UTP11: variants seen among roughly 807,000 people sequenced by gnomAD.
The protein encoded by UTP11 is probable U3 small nucleolar RNA-associated protein 11.
In UTP11, 29 loss-of-function variants were observed where a neutral mutation model predicts 39.0. The observed-to-expected ratio is 0.74, with a 90% CI of 0.55 to 1.01. UTP11 has a LOEUF of 1.01. UTP11 is among the 50% of genes least tolerant of loss of function. The pLI is 0.00. For missense variants in UTP11, 281 were observed against 306.0 expected (o/e 0.92, Z 0.61); for synonymous variants, 111 against 105.0 (o/e 1.06, Z -0.35).
In UTP11 at chr1:38,017,595, T is replaced by G. The variant is rs1646713032; in HGVS notation, c.126-73T>G. ...TTAGATGCTTGTAAAGTTTGCTTAT[T>G]GTGGGTTTTTGGTTTTTTAAAATTA... On this transcript the variant is annotated intron_variant, in intron 2 of 7. Coordinates refer to ENST00000373014, the MANE Select transcript of UTP11 (RefSeq NM_016037.4). 6 of 1,206,978 alleles carry G rather than the reference T, an allele frequency of 5.0e-6. No homozygotes were observed. The South Asian group carries it at 9.8e-5, about 20-fold the overall frequency. 74.8% of individuals were successfully genotyped at this position (1,206,978 alleles called of 1,614,324 possible). A position where few individuals can be genotyped will look rare whatever the true frequency, so the allele number is the denominator to read the frequency against.
intron 2 of UTP11, 167 bp downstream of exon 2, chr1:38,016,587 C>T: frequency 1.5e-6 from 1 of 669,208 alleles, no homozygotes; most frequent in Non-Finnish European, 2.6e-6. Flanking sequence ...CTAAATTTCT[C>T]TCTTTGTTTA....
Position 38,018,562 on chromosome 1 carries a change from GGTT to G in UTP11, c.329_331del (p.Val110del). The stretch of plus-strand genomic sequence containing the variant: ...ACGTCAAATATATAGAAATGAAGAG[GGTT>G]GCAGAAGCTAAGGTAATTCACTCTT... On this transcript the variant is annotated inframe_deletion, in exon 4 of 8. Transcript: ENST00000373014. 1 of 1,601,006 alleles carries G rather than the reference GGTT, an allele frequency of 6.2e-7. No individual in the cohort carries two copies. Among genetic ancestry groups the G allele is most frequent in the Non-Finnish European group, 8.5e-7 (1 of 1,169,888 alleles).
chr1:38,020,545 A>T (rs1344257804), intron 6 of UTP11, among the ~76,000 whole-genome samples: 3 of 152,172 alleles, frequency 2.0e-5, no homozygotes, highest in African/African-American at 7.2e-5. Context: ...TGACTGATTC[A>T]TTAAAAAAAA....
At chr1:38,016,188 C>T (rs947756665) in intron 1 of UTP11, among the ~76,000 whole-genome samples, 171 bp from the exon 2 acceptor site, 10 of 152,260 alleles carry the variant, frequency 6.6e-5, no homozygotes, top group African/African-American at 2.4e-4. Flanking sequence ...CCCTCTCATC[C>T]TTGGGCAGAG....
intron 2 of UTP11, chr1:38,017,254 T>G (rs550449195): frequency 6.5e-6 from 1 of 153,902 alleles, no homozygotes; most frequent in African/African-American, 2.4e-5. Context: ...GCTGTCTGGC[T>G]CCAGAGTCCA....
chr1:38,022,603 A>C (rs947800903), intron 6 of UTP11, 96 bp from the exon 7 acceptor site: 1 of 778,070 alleles, frequency 1.3e-6, no homozygotes, highest in Admixed American at 2.3e-5. Context: ...GGAGTTGATG[A>C]AACTATGCAG....
At position 38,018,970 on chromosome 1, in the gene UTP11, G is replaced by A; in HGVS notation, c.343-89G>A. 3.6e-6 allele frequency: 4 copies of A among 1,108,618 alleles called. No individual in the cohort carries two copies. In the South Asian group the frequency reaches 6.2e-5, roughly 17 times the overall value. 68.7% of individuals were successfully genotyped at this position (1,108,618 alleles called of 1,614,324 possible). A position where few individuals can be genotyped will look rare whatever the true frequency, so the allele number is the denominator to read the frequency against. On this transcript the variant is annotated intron_variant, in intron 4 of 7. Coordinates refer to ENST00000373014, the MANE Select transcript of UTP11 (RefSeq NM_016037.4). ...TTCTTTGCTGGCTGGCAATAATGAT[G>A]TGAAATGGTTTAAACTTTTGCAGTT...
intron 1 of UTP11, among the ~76,000 whole-genome samples, chr1:38,014,014 C>T (rs1055900922): frequency 2.6e-5 from 4 of 152,236 alleles, no homozygotes; most frequent in African/African-American, 9.6e-5. Flanking sequence ...TGCACCCGGC[C>T]AAAACTATCA....
At chr1:38,015,361 C>T (rs191163848) in intron 1 of UTP11, among the ~76,000 whole-genome samples, 2 of 152,258 alleles carry the variant, frequency 1.3e-5, no homozygotes, top group East Asian at 1.9e-4. Context: ...TATGCATTTC[C>T]CAAAATGTTA....
chr1:38,020,516 T>C (rs1223641167), intron 6 of UTP11, among the ~76,000 whole-genome samples: 1 of 152,200 alleles, frequency 6.6e-6, no homozygotes, highest in East Asian at 1.9e-4. Context: ...CCTGAAAGCC[T>C]TCTGGAGTTG....
intron 6 of UTP11, among the ~76,000 whole-genome samples, chr1:38,020,358 C>G (rs1259278786): frequency 6.6e-6 from 1 of 152,150 alleles, no homozygotes; most frequent in Non-Finnish European, 1.5e-5. Flanking sequence ...CCCGCCTTGG[C>G]CTCCTGAAGT....
At position 38,019,053 on chromosome 1, in the gene UTP11, T is replaced by C. The variant is rs1646722244; in HGVS notation, c.343-6T>C. On this transcript the variant is annotated splice_region_variant and splice_polypyrimidine_tract_variant and intron_variant, in intron 4 of 7. Coordinates refer to ENST00000373014, the MANE Select transcript of UTP11 (RefSeq NM_016037.4). ...ATATAAAGTGAGACCATATTCTGTG[T>C]TCTAGAAAATCGAAAGACTAAAATC... is the stretch of plus-strand genomic sequence containing the variant. The C allele has an allele frequency of 1.2e-6, 2 of 1,611,798 alleles. No homozygotes were observed. The highest frequency in any genetic ancestry group is 2.7e-5 in the African/African-American group (2 of 74,740).
chr1:38,016,467 C>T (rs752320063), intron 2 of UTP11, 47 bp downstream of exon 2: 1 of 1,593,038 alleles, frequency 6.3e-7, no homozygotes, highest in Non-Finnish European at 8.6e-7. Context: ...AAGCTTACAA[C>T]CTCCTTGCAC....
chr1:38,023,555 A>C lies in UTP11; in HGVS notation c.689A>C (p.Gln230Pro). The stretch of plus-strand genomic sequence containing the variant: ...TTTACTCTTTTGTAGGATAAAACTC[A>C]GAAAGTGAAGGTGAAGAAAGAAACG... ...QTRKDLMDKT[Q>P]KVKVKKETVN... Residue 230 changes from glutamine to proline, a missense_variant, in exon 8 of 8, where the codon CAG (glutamine) becomes CCG (proline). Physicochemically the swap from Gln to Pro is moderately conservative, Grantham distance 76. Transcript: ENST00000373014. The C allele has an allele frequency of 6.2e-7, 1 of 1,610,464 alleles. No individual in the cohort carries two copies. The highest frequency in any genetic ancestry group is 8.5e-7 in the Non-Finnish European group (1 of 1,178,734).
chr1:38,016,291 G>T lies in UTP11; in HGVS notation c.64-68G>T, dbSNP rs1570499042. ...CCAGAGACTCCTGTGCCTGTTAGAT[G>T]TCGTGTTGATTTGGATATGTGTTTG... On this transcript the variant is annotated intron_variant, in intron 1 of 7. Coordinates refer to ENST00000373014, the MANE Select transcript of UTP11 (RefSeq NM_016037.4). 16 of 1,501,006 alleles carry T rather than the reference G, an allele frequency of 1.1e-5. No homozygotes were observed. The Admixed American group carries it at 2.7e-4, about 25-fold the overall frequency. 93.0% of individuals were successfully genotyped at this position (1,501,006 alleles called of 1,614,324 possible).
rs965863688 is a variant in UTP11, at chr1:38,012,756, G to T, written c.-47G>T. On this transcript the variant is annotated 5_prime_UTR_variant, in exon 1 of 8. Transcript: ENST00000373014. ...ATCAGTGGACTTGGCGGCAGAGGCA[G>T]TGCGGATCCGGCGTTCTCCACTGAT... 1.2e-6 allele frequency: 2 copies of T among 1,612,980 alleles called. No individual in the cohort carries two copies. The highest frequency in any genetic ancestry group is 1.3e-5 in the African/African-American group (1 of 74,932).
At chr1:38,017,472 G>A in intron 2 of UTP11, 196 bp from the exon 3 acceptor site, 4 of 441,884 alleles carry the variant, frequency 9.1e-6, no homozygotes, top group South Asian at 4.5e-5. Context: ...TGATTAGACT[G>A]TGGACCCTGC....
rs1646745089 is a variant in UTP11 at position 38,022,715 on chromosome 1, G to C, written c.584G>C (p.Arg195Thr). Residue 195 changes from arginine (R) to threonine (T), a missense_variant, in exon 7 of 8, where the codon AGG (arginine) becomes ACG (threonine). Coordinates refer to ENST00000373014, the MANE Select transcript of UTP11 (RefSeq NM_016037.4). ...CTTCTCCAGCGAATAGCTAAAGAAA[G>C]GCAAAAGCAGTATAACTGCCTGACA... ...QTGLKRIAKE[R>T]QKQYNCLTQR... 1.2e-6 allele frequency: 2 copies of C among 1,613,568 alleles called. No individual in the cohort carries two copies. Among genetic ancestry groups the C allele is most frequent in the African/African-American group, 1.3e-5 (1 of 74,906 alleles).
rs1646753100 is a variant in UTP11, at chr1:38,024,274, T to A, written c.*646T>A. The A allele has an allele frequency of 6.6e-6, 1 of 152,266 alleles. No homozygotes were observed. Among genetic ancestry groups the A allele is most frequent in the African/African-American group, 2.4e-5 (1 of 41,468 alleles). 9.4% of individuals were successfully genotyped at this position (152,266 alleles called of 1,614,324 possible). Reference sequence around the variant, plus strand: ...GCTTAACTGTGCTAGGAGCTAGAGCTGTGGAGGTGGACAATTACTGTGAGT... The same window carrying A: ...GCTTAACTGTGCTAGGAGCTAGAGCAGTGGAGGTGGACAATTACTGTGAGT... On this transcript the variant is annotated 3_prime_UTR_variant, in exon 8 of 8. Coordinates refer to ENST00000373014, the MANE Select transcript of UTP11 (RefSeq NM_016037.4).
Sources: allele counts gnomAD v4.1 joint callset (sites outside exome capture counted in the v4.1 genomes callset), GRCh38; gene constraint gnomAD v4.1.1; transcripts MANE v1.5; gene names NCBI Gene and HGNC (gene_info 2026-07-23, HGNC 2026-07-21).